SLC4A10: variants seen among roughly 807,000 people sequenced by gnomAD.
SLC4A10 encodes the protein sodium-driven chloride bicarbonate exchanger.
SLC4A10 carries 42 observed loss-of-function variants against 137.7 expected under a neutral mutation model. That is an observed-to-expected ratio of 0.30 (90% CI 0.24 to 0.39). The LOEUF (loss-of-function observed/expected upper bound fraction) is 0.39. SLC4A10 is among the 10% of genes least tolerant of loss of function. The pLI is 1.00. For missense variants in SLC4A10, 925 were observed against 1,355.0 expected (o/e 0.68, Z 4.98); for synonymous variants, 474 against 464.1 (o/e 1.02, Z -0.27).
intron 11 of SLC4A10, among the ~76,000 whole-genome samples, chr2:161,896,045 A>T (rs2063461254): frequency 6.6e-6 from 1 of 151,946 alleles, no homozygotes; most frequent in Non-Finnish European, 1.5e-5. Context: ...TTATGGTTTT[A>T]GGTCTAACAT....
In SLC4A10 at chr2:161,648,212, T is replaced by A. The variant is rs541554493; in HGVS notation, c.48+23646T>A. ...TTAATGTGGTCAACTTTTTTTTTTT[T>A]CTGTTACTCTGTGAAATGGCAGCAT... On this transcript the variant is annotated intron_variant, in intron 1 of 26. Coordinates refer to ENST00000446997, the MANE Select transcript of SLC4A10 (RefSeq NM_001178015.2). Among the ~76,000 whole-genome samples the A allele has an allele frequency of 3.2e-4, 47 of 145,960 alleles. No homozygotes were observed. The East Asian group carries it at 8.0e-3, about 25-fold the overall frequency.
chr2:161,679,141 G>T (rs548931158), intron 1 of SLC4A10, among the ~76,000 whole-genome samples: 1 of 152,160 alleles, frequency 6.6e-6, no homozygotes, highest in South Asian at 2.1e-4. Flanking sequence ...TTATGTTTTA[G>T]TCATTCTGGT....
intron 4 of SLC4A10, among the ~76,000 whole-genome samples, chr2:161,848,505 G>A (rs938048993): frequency 6.6e-6 from 1 of 152,016 alleles, no homozygotes; most frequent in Non-Finnish European, 1.5e-5. Context: ...AGTTTTTATA[G>A]TGTTTTTGGC....
At chr2:161,884,015 A>G (rs2062022348) in intron 10 of SLC4A10, among the ~76,000 whole-genome samples, 1 of 152,136 alleles carries the variant, frequency 6.6e-6, no homozygotes, top group South Asian at 2.1e-4. Flanking sequence ...AATCCACTGT[A>G]ATGAATAACT....
intron 2 of SLC4A10, among the ~76,000 whole-genome samples, 188 bp downstream of exon 2, chr2:161,771,242 A>G (rs1161796633): frequency 6.6e-6 from 1 of 151,942 alleles, no homozygotes; most frequent in Non-Finnish European, 1.5e-5. Flanking sequence ...GAAATCAATG[A>G]GAAGCATCAG....
intron 15 of SLC4A10, among the ~76,000 whole-genome samples, chr2:161,907,798 T>C (rs1684807229): frequency 6.6e-6 from 1 of 152,220 alleles, no homozygotes; most frequent in South Asian, 2.1e-4. Flanking sequence ...GTTATATAGA[T>C]AGTGGTAAAA....
At chr2:161,696,547 C>T (rs1272600975) in intron 1 of SLC4A10, among the ~76,000 whole-genome samples, 5 of 142,870 alleles carry the variant, frequency 3.5e-5, no homozygotes, top group Non-Finnish European at 7.5e-5. Context: ...TGAGTGAGAA[C>T]ATGCAGTGTT....
chr2:161,910,896 A>G (rs1261382863), intron 15 of SLC4A10, among the ~76,000 whole-genome samples: 1 of 151,992 alleles, frequency 6.6e-6, no homozygotes, highest in Non-Finnish European at 1.5e-5. Flanking sequence ...ACATTTAACA[A>G]TGAGAATTTC....
At chr2:161,873,566 A>G (rs1307229003) in intron 7 of SLC4A10, among the ~76,000 whole-genome samples, 3 of 151,436 alleles carry the variant, frequency 2.0e-5, no homozygotes, top group Non-Finnish European at 2.9e-5. Flanking sequence ...AGACAATGCA[A>G]AAGAGAAGGA....
At chr2:161,864,550 G>A (rs1367162922) in intron 6 of SLC4A10, among the ~76,000 whole-genome samples, 1 of 152,114 alleles carries the variant, frequency 6.6e-6, no homozygotes, top group Non-Finnish European at 1.5e-5. Flanking sequence ...TTTTGAGATA[G>A]TTGATTTTTA....
chr2:161,651,735 C>T (rs75397490), intron 1 of SLC4A10, among the ~76,000 whole-genome samples: 1 of 152,216 alleles, frequency 6.6e-6, no homozygotes, highest in Non-Finnish European at 1.5e-5. Flanking sequence ...CCTGCCCCAC[C>T]ACAGCAGCTG....
At chr2:161,864,667 C>A (rs1191892443) in intron 6 of SLC4A10, among the ~76,000 whole-genome samples, 1 of 151,962 alleles carries the variant, frequency 6.6e-6, no homozygotes, top group Non-Finnish European at 1.5e-5. Flanking sequence ...TGGTGAATAC[C>A]AACTTGTGTT....
intron 3 of SLC4A10, among the ~76,000 whole-genome samples, chr2:161,806,802 A>G (rs980860780): frequency 1.3e-5 from 2 of 152,088 alleles, no homozygotes; most frequent in African/African-American, 2.4e-5. Context: ...TGACCCCTCC[A>G]AACTGTTCCA....
At chr2:161,864,827 G>A (rs781140389) in intron 6 of SLC4A10, among the ~76,000 whole-genome samples, 1 of 152,086 alleles carries the variant, frequency 6.6e-6, no homozygotes, top group Non-Finnish European at 1.5e-5. Flanking sequence ...TCTAAGAGAT[G>A]TATTACAAAT....
At chr2:161,677,360 A>C (rs1426772513) in intron 1 of SLC4A10, among the ~76,000 whole-genome samples, 1 of 152,154 alleles carries the variant, frequency 6.6e-6, no homozygotes, top group Non-Finnish European at 1.5e-5. Flanking sequence ...TTTTCTTTAC[A>C]AATCACCCAG....
At chr2:161,962,940 G>T (rs1048428748) in intron 21 of SLC4A10, among the ~76,000 whole-genome samples, 6 of 152,094 alleles carry the variant, frequency 3.9e-5, no homozygotes, top group Admixed American at 1.3e-4. Context: ...AAATAAGTTA[G>T]TTAAGAAATA....
intron 1 of SLC4A10, among the ~76,000 whole-genome samples, chr2:161,685,523 G>A (rs1312465686): frequency 6.6e-6 from 1 of 152,078 alleles, no homozygotes; most frequent in South Asian, 2.1e-4. Context: ...CATGAGAATT[G>A]CTTGAACCCA....
intron 1 of SLC4A10, among the ~76,000 whole-genome samples, chr2:161,722,112 A>G (rs1291993871): frequency 6.6e-6 from 1 of 152,120 alleles, no homozygotes; most frequent in Non-Finnish European, 1.5e-5. Flanking sequence ...ACTTCTTTGC[A>G]TTGGGTTAGA....
intron 17 of SLC4A10, 40 bp from the exon 18 acceptor site, chr2:161,949,108 T>C (rs1694341709): frequency 2.3e-6 from 3 of 1,330,162 alleles, no homozygotes; most frequent in Non-Finnish European, 3.2e-6. Context: ...CCTTGATATT[T>C]ATAGCTACTT....
Sources: allele counts gnomAD v4.1 joint callset (sites outside exome capture counted in the v4.1 genomes callset), GRCh38; gene constraint gnomAD v4.1.1; transcripts MANE v1.5; gene names NCBI Gene and HGNC (gene_info 2026-07-23, HGNC 2026-07-21).